The following ZNF57 variants were observed in gnomAD, a reference collection of about 807,000 sequenced individuals.
ZNF57 encodes the protein zinc finger protein 424.
A neutral mutation model predicts 13.4 loss-of-function variants in ZNF57; 11 were observed. The ratio of observed to expected loss-of-function variants is 0.82; its 90% confidence interval spans 0.52 to 1.36. ZNF57 has a LOEUF of 1.36. Ranked by LOEUF, ZNF57 falls within the 40% of genes most tolerant of loss-of-function variation. The pLI is 0.00. For synonymous variants in ZNF57, 224 were observed against 238.5 expected, an observed-to-expected ratio of 0.94 and a Z score of 0.56; for missense variants, 696 against 667.5, an observed-to-expected ratio of 1.04 and a Z score of -0.47.
Position 2,916,939 on chromosome 19 carries a change from C to G in ZNF57, c.318C>G (p.Asp106Glu). The G allele has an allele frequency of 6.3e-7, 1 of 1,581,002 alleles. No individual in the cohort carries two copies. The highest frequency in any genetic ancestry group is 8.6e-7 in the Non-Finnish European group (1 of 1,163,574). ...HHKNLRNHMV[D>E]RFCTHNEGNQ... ...TTTTTAACAGAAATCATATGGTGGA[C>G]AGATTCTGTACACATAATGAAGGTA... The change falls in exon 4 of 4, where the codon GAC becomes GAG. Residue 106 changes from aspartate to glutamate, a missense_variant. Asp to Glu is a conservative substitution (Grantham distance 45). This residue lies in a region of ZNF57 where 645 missense variants were observed against 591.5 expected (regional missense o/e 1.09). Transcript: ENST00000306908.
Position 2,918,144 on chromosome 19 carries a change from A to T in ZNF57, c.1523A>T (p.Gln508Leu). 6.2e-7 allele frequency: 1 copy of T among 1,614,220 alleles called. No individual in the cohort carries two copies. Among genetic ancestry groups the T allele is most frequent in the Non-Finnish European group, 8.5e-7 (1 of 1,180,050 alleles). ...HTGEKPHKCK[Q>L]CGMSFKWHSS... The stretch of plus-strand genomic sequence containing the variant: ...GGAGAGAAACCTCACAAATGTAAAC[A>T]ATGTGGGATGTCCTTCAAGTGGCAC... Residue 508 changes from glutamine (Q) to leucine (L), a missense_variant, in exon 4 of 4, where the codon CAA becomes CTA. Coordinates refer to ENST00000306908, the MANE Select transcript of ZNF57 (RefSeq NM_173480.3).
At chr19:2,905,696 C>G (rs1228423189) in intron 1 of ZNF57, among the ~76,000 whole-genome samples, 1 of 144,190 alleles carries the variant, frequency 6.9e-6, no homozygotes, top group African/African-American at 2.6e-5. Flanking sequence ...ACCCAGGAGA[C>G]GGAGGTTGCA....
rs754188410 is a variant in ZNF57 at position 2,916,254 on chromosome 19, G to C, written c.302+5G>C. 19 of 1,595,722 alleles carry C rather than the reference G, an allele frequency of 1.2e-5. No homozygotes were observed. Among genetic ancestry groups the C allele is most frequent in the Admixed American group, 9.0e-5 (5 of 55,522 alleles). On this transcript the variant is annotated splice_donor_5th_base_variant and intron_variant, in intron 3 of 3. Coordinates refer to ENST00000306908, the MANE Select transcript of ZNF57 (RefSeq NM_173480.3). ...AGACCACCACAAAAATCTGAGGTGA[G>C]TTGCACTCACAAGAGAAAAATCCTT...
At position 2,913,664 on chromosome 19, in the gene ZNF57, T is replaced by C. The variant is rs770066145; in HGVS notation, c.4-1858T>C. On this transcript the variant is annotated intron_variant, in intron 1 of 3. Coordinates refer to ENST00000306908, the MANE Select transcript of ZNF57 (RefSeq NM_173480.3). ...GGTCAGAGAACATACTTATTTCTGG[T>C]TTTTTTTTTGGTGGGGGGAGACTAA... 4.2e-5 allele frequency among the ~76,000 whole-genome samples: 6 copies of C among 142,544 alleles called. No individual in the cohort carries two copies. In the Admixed American group the frequency reaches 4.3e-4, roughly 10 times the overall value. 93.5% of individuals were successfully genotyped at this position (142,544 alleles called of 152,430 possible).
intron 1 of ZNF57, among the ~76,000 whole-genome samples, chr19:2,908,267 T>C (rs1439350597): frequency 2.0e-5 from 3 of 152,200 alleles, no homozygotes; most frequent in South Asian, 4.1e-4. Flanking sequence ...AATTCTTGTA[T>C]ATTTCCTGGT....
intron 1 of ZNF57, among the ~76,000 whole-genome samples, chr19:2,904,048 G>A (rs941417793): frequency 6.6e-6 from 1 of 152,132 alleles, no homozygotes; most frequent in African/African-American, 2.4e-5. Context: ...TTTTTGTAGA[G>A]ACGGGGGGCC....
At position 2,917,800 on chromosome 19, in the gene ZNF57, A is replaced by G. The variant is rs61755868; in HGVS notation, c.1179A>G (p.Lys393=). The G allele has an allele frequency of 0.023, 36,890 of 1,613,614 alleles. 800 individuals carry two copies. The highest frequency in any genetic ancestry group is 0.1 in the Middle Eastern group (621 of 6,048). ...TTCACACGCAAGAGCAGCTCTATAAATGTGAACAATGTGGGAAGGCTTTTA... is the reference window on the plus strand; with the variant it reads ...TTCACACGCAAGAGCAGCTCTATAAGTGTGAACAATGTGGGAAGGCTTTTA... ...VRIHTQEQLY[K]CEQCGKAFTS... Residue 393 remains lysine (K), a synonymous_variant, in exon 4 of 4, where the codon AAA becomes AAG. Transcript: ENST00000306908.
rs771144544 is a variant in ZNF57 at position 2,917,523 on chromosome 19, C to G, written c.902C>G (p.Thr301Arg). ...YPQAFQRHEK[T>R]HTGEKPYECK... ...CAGGCTTTTCAAAGACATGAGAAGACGCACACGGGAGAGAAGCCCTATGAA... is the reference window on the plus strand; with the variant it reads ...CAGGCTTTTCAAAGACATGAGAAGAGGCACACGGGAGAGAAGCCCTATGAA... Residue 301 changes from threonine (T) to arginine (R), a missense_variant, in exon 4 of 4, where the codon ACG (threonine) becomes AGG (arginine). Physicochemically the swap from Thr to Arg is moderately conservative, Grantham distance 71. Coordinates refer to ENST00000306908, the MANE Select transcript of ZNF57 (RefSeq NM_173480.3). 2 of 1,613,252 alleles carry G rather than the reference C, an allele frequency of 1.2e-6. No individual in the cohort carries two copies. Among genetic ancestry groups the G allele is most frequent in the Non-Finnish European group, 1.7e-6 (2 of 1,179,728 alleles).
chr19:2,914,388 A>G (rs2088170056), intron 1 of ZNF57, among the ~76,000 whole-genome samples: 2 of 151,954 alleles, frequency 1.3e-5, no homozygotes, highest in East Asian at 1.9e-4. Flanking sequence ...CTGAGTAGCT[A>G]GGATTACAGG....
chr19:2,911,580 G>A (rs1229647591), intron 1 of ZNF57, among the ~76,000 whole-genome samples: 1 of 152,002 alleles, frequency 6.6e-6, no homozygotes, highest in Non-Finnish European at 1.5e-5. Context: ...AAGACAGGGT[G>A]TCACTATGTT....
At chr19:2,916,577 G>A (rs755961860) in intron 3 of ZNF57, 12 of 239,492 alleles carry the variant, frequency 5.0e-5, no homozygotes, top group Non-Finnish European at 6.5e-5. Flanking sequence ...ATAGCCGAGC[G>A]TGGTGGCAGG....
rs1413309207 is a variant in ZNF57 at position 2,916,229 on chromosome 19, A to C, written c.282A>C (p.Glu94Asp). ...AAAATTGTGAAGGCTATGGCACTGAAGACCACCACAAAAATCTGAGGTGAG... is the reference window on the plus strand; with the variant it reads ...AAAATTGTGAAGGCTATGGCACTGACGACCACCACAAAAATCTGAGGTGAG... ...LEKNCEGYGTEDHHKNLRNHM... is the reference protein window; with the variant it reads ...LEKNCEGYGTDDHHKNLRNHM... The change falls in exon 3 of 4, where the codon GAA becomes GAC. Residue 94 changes from glutamate (E) to aspartate (D), a missense_variant. By Grantham distance (45) the Glu-to-Asp change is conservative. This residue lies in a region of ZNF57 where 645 missense variants were observed against 591.5 expected (regional missense o/e 1.09). Transcript: ENST00000306908. 4.4e-6 allele frequency: 7 copies of C among 1,608,282 alleles called. No individual in the cohort carries two copies. Among genetic ancestry groups the C allele is most frequent in the Non-Finnish European group, 5.9e-6 (7 of 1,178,058 alleles).
At chr19:2,915,262 T>C in intron 1 of ZNF57, 1 of 333,486 alleles carries the variant, frequency 3.0e-6, no homozygotes, top group East Asian at 5.6e-5. Flanking sequence ...GTTACTTCAT[T>C]TGCATAGCAT....
At position 2,916,123 on chromosome 19, in the gene ZNF57, A is replaced by G. The variant is rs369347854; in HGVS notation, c.176A>G (p.Asp59Gly). The change falls in exon 3 of 4, where the codon GAT (aspartate) becomes GGT (glycine). Residue 59 changes from aspartate to glycine, a missense_variant. Physicochemically the swap from Asp to Gly is moderately conservative, Grantham distance 94 (BLOSUM62 -1). Coordinates refer to ENST00000306908, the MANE Select transcript of ZNF57 (RefSeq NM_173480.3). ...GCCAATGGGTCAGTTTCTCTGCAGG[A>G]TATGTACGGGCAAGAAAAATCTAAG... Reference protein sequence around the residue: ...FKANGSVSLQDMYGQEKSKEQ... With the variant: ...FKANGSVSLQGMYGQEKSKEQ... 1 of 1,613,850 alleles carries G rather than the reference A, an allele frequency of 6.2e-7. No individual in the cohort carries two copies. Among genetic ancestry groups the G allele is most frequent in the South Asian group, 1.1e-5 (1 of 91,046 alleles).
At chr19:2,904,061 G>A (rs554268964) in intron 1 of ZNF57, among the ~76,000 whole-genome samples, 35 of 152,188 alleles carry the variant, frequency 2.3e-4, no homozygotes, top group African/African-American at 7.0e-4. Context: ...GGGGGGCCTC[G>A]CTGTTGCCCC....
At chr19:2,914,127 T>C (rs1024237198) in intron 1 of ZNF57, among the ~76,000 whole-genome samples, 2 of 152,216 alleles carry the variant, frequency 1.3e-5, no homozygotes, top group Non-Finnish European at 2.9e-5. Context: ...TATTTCCTCG[T>C]ATTTCACCTA....
intron 1 of ZNF57, among the ~76,000 whole-genome samples, chr19:2,903,429 C>T (rs540550527): frequency 1.3e-5 from 2 of 152,184 alleles, no homozygotes; most frequent in South Asian, 4.2e-4. Flanking sequence ...CCAGGCTGGT[C>T]TCAAACTCCT....
Position 2,918,335 on chromosome 19 carries a change from G to A in ZNF57, c.*46G>A. 6.6e-7 allele frequency: 1 copy of A among 1,519,396 alleles called. No homozygotes were observed. Among genetic ancestry groups the A allele is most frequent in the Non-Finnish European group, 8.8e-7 (1 of 1,134,794 alleles). 94.1% of individuals were successfully genotyped at this position (1,519,396 alleles called of 1,614,324 possible). A position where few individuals can be genotyped will look rare whatever the true frequency, so the allele number is the denominator to read the frequency against. On this transcript the variant is annotated 3_prime_UTR_variant, in exon 4 of 4. Coordinates refer to ENST00000306908, the MANE Select transcript of ZNF57 (RefSeq NM_173480.3). ...ATGGGGTAACCTCACATTAATTCAT[G>A]TATAATGCTCCAGAAAATTCACACC...
chr19:2,916,730 TAAA>T, intron 3 of ZNF57, 191 bp from the exon 4 acceptor site: 2 of 443,294 alleles, frequency 4.5e-6, no homozygotes, highest in Non-Finnish European at 7.7e-6. Flanking sequence ...AATAAATAAA[TAAA>T]AAGAAATTAC....
Sources: allele counts gnomAD v4.1 joint callset (sites outside exome capture counted in the v4.1 genomes callset), GRCh38; gene constraint gnomAD v4.1.1; regional missense constraint gnomAD v4.1.1; transcripts MANE v1.5; gene names NCBI Gene and HGNC (gene_info 2026-07-23, HGNC 2026-07-21).